PCDHGB5: variants seen among roughly 807,000 people sequenced by gnomAD.
PCDHGB5 encodes protocadherin gamma-B5.
Under a neutral mutation model 62.9 loss-of-function variants are expected in PCDHGB5, and 48 were observed. The ratio of observed to expected loss-of-function variants is 0.76; its 90% confidence interval spans 0.61 to 0.97. The LOEUF is 0.97. PCDHGB5 is among the 50% of genes least tolerant of loss of function. PCDHGB5 has a pLI of 0.00. For missense variants in PCDHGB5, 1,118 were observed against 1,198.6 expected (o/e 0.93, Z 0.99); for synonymous variants, 474 against 511.2 (o/e 0.93, Z 0.98).
At chr5:141,483,487 A>G (rs777951096) in intron 1 of PCDHGB5, among the ~76,000 whole-genome samples, 4 of 152,006 alleles carry the variant, frequency 2.6e-5, no homozygotes, top group Non-Finnish European at 5.9e-5. Context: ...AGTGAGGGAC[A>G]GGGATGAGTC....
intron 1 of PCDHGB5, among the ~76,000 whole-genome samples, chr5:141,407,428 G>A (rs1211459456): frequency 6.6e-6 from 1 of 151,524 alleles, no homozygotes; most frequent in Non-Finnish European, 1.5e-5. Context: ...AATGTCTCTT[G>A]CCCTTAAAAC....
At chr5:141,413,195 G>A (rs771456948) in intron 1 of PCDHGB5, 2 of 1,610,846 alleles carry the variant, frequency 1.2e-6, no homozygotes, top group Admixed American at 1.7e-5. Context: ...CAAAGGAATC[G>A]CTCAAAGGAA....
At position 141,450,007 on chromosome 5, in the gene PCDHGB5, T is replaced by TA. The variant is rs57702245; in HGVS notation, c.2398-44800_2398-44799insA. Among the ~76,000 whole-genome samples the TA allele has an allele frequency of 5.9e-4, 19 of 31,956 alleles. No homozygotes were observed. In the African/African-American group the frequency reaches 7.8e-3, roughly 13 times the overall value. 21.0% of individuals were successfully genotyped at this position (31,956 alleles called of 152,430 possible). A position where few individuals can be genotyped will look rare whatever the true frequency, so the allele number is the denominator to read the frequency against. On this transcript the variant is annotated intron_variant, in intron 1 of 3. Coordinates refer to ENST00000617380, the MANE Select transcript of PCDHGB5 (RefSeq NM_018925.3). Reference sequence around the variant, plus strand: ...ACATTGCATTTAGTTGCCATGTCTCTTTTTTTTTTTTTTTTTTGAGACAGG... The same window carrying TA: ...ACATTGCATTTAGTTGCCATGTCTCTATTTTTTTTTTTTTTTTTGAGACAGG...
chr5:141,508,026 T>A (rs972124070), intron 3 of PCDHGB5: 3 of 152,314 alleles, frequency 2.0e-5, no homozygotes, highest in African/African-American at 7.2e-5. Context: ...GGCTGCGGTT[T>A]GCAGCTCAGC....
chr5:141,431,828 C>T lies in PCDHGB5; in HGVS notation c.2397+31304C>T. The T allele has an allele frequency of 6.2e-7, 1 of 1,610,208 alleles. No individual in the cohort carries two copies. Among genetic ancestry groups the T allele is most frequent in the Non-Finnish European group, 8.5e-7 (1 of 1,176,374 alleles). On this transcript the variant is annotated intron_variant, in intron 1 of 3. Transcript: ENST00000617380. This position sits in a 1 kb window ranked among gnomAD's most constrained non-coding sequence, Gnocchi z 4.8. Reference sequence around the variant, plus strand: ...CCTCACCTCTCTCGCCAGCTCGGTTCCCGAAAACTCTCCCAGAGGGACATT... The same window carrying T: ...CCTCACCTCTCTCGCCAGCTCGGTTTCCGAAAACTCTCCCAGAGGGACATT...
At chr5:141,475,996 G>T (rs2099383729) in intron 1 of PCDHGB5, 4 of 1,181,402 alleles carry the variant, frequency 3.4e-6, no homozygotes, top group Non-Finnish European at 3.5e-6. Flanking sequence ...GCAAATCAAC[G>T]GCATCCAGAA....
In PCDHGB5 at chr5:141,476,760, CG is replaced by C. The variant is rs1325258321; in HGVS notation, c.2398-18045del. The C allele has an allele frequency of 6.2e-7, 1 of 1,613,706 alleles. No individual in the cohort carries two copies. Among genetic ancestry groups the C allele is most frequent in the African/African-American group, 1.3e-5 (1 of 74,930 alleles). On this transcript the variant is annotated intron_variant, in intron 1 of 3. Coordinates refer to ENST00000617380, the MANE Select transcript of PCDHGB5 (RefSeq NM_018925.3). This position sits in a 1 kb window ranked among gnomAD's most constrained non-coding sequence, Gnocchi z 7.6. ...GAGCCTAGTCTCCAGTTAGTGCTGA[CG>C]GCGTTGGACGGAGGGACCCCAGCTC...
At chr5:141,441,709 C>T in intron 1 of PCDHGB5, 1 of 321,306 alleles carries the variant, frequency 3.1e-6, no homozygotes, top group Non-Finnish European at 6.1e-6. Flanking sequence ...TTCAAGCTCA[C>T]GCTGCAGGCC....
At chr5:141,465,767 T>A (rs1427458413) in intron 1 of PCDHGB5, among the ~76,000 whole-genome samples, 1 of 152,016 alleles carries the variant, frequency 6.6e-6, no homozygotes, top group Non-Finnish European at 1.5e-5. Context: ...TCATGTTTCA[T>A]CTCTTGTTAC....
At position 141,404,162 on chromosome 5, in the gene PCDHGB5, T is replaced by C. The variant is rs768188662; in HGVS notation, c.2397+3638T>C. The C allele has an allele frequency of 2.0e-5, 33 of 1,613,076 alleles. No homozygotes were observed. In the East Asian group the frequency reaches 7.4e-4, roughly 36 times the overall value. ...AAATTCAGAAGAAGATTATTACAGA[T>C]TGTTGACGGCCCAAATTCTTGACCG... On this transcript the variant is annotated intron_variant, in intron 1 of 3. Transcript: ENST00000617380.
At chr5:141,413,082 A>T in intron 1 of PCDHGB5, 8 of 1,344,446 alleles carry the variant, frequency 6.0e-6, no homozygotes, top group Non-Finnish European at 8.1e-6. Context: ...CCCAGGCTAC[A>T]GAGACACCCT....
At chr5:141,429,945 T>C (rs1443623730) in intron 1 of PCDHGB5, among the ~76,000 whole-genome samples, 1 of 152,222 alleles carries the variant, frequency 6.6e-6, no homozygotes, top group East Asian at 1.9e-4. Flanking sequence ...ACTTCCATTA[T>C]TTCCAGTCAA....
rs143362044 is a variant in PCDHGB5, at chr5:141,511,092, C to T, written c.2691C>T (p.Asn897=). The T allele has an allele frequency of 4.5e-5, 73 of 1,614,088 alleles. No homozygotes were observed. Among genetic ancestry groups the T allele is most frequent in the Admixed American group, 1.5e-4 (9 of 60,012 alleles). ...YIPGSNATLT[N]AAGKRDGKAP... is the part of the protein sequence containing the mutation. ...CAGGCAGCAATGCCACACTGACCAA[C>T]GCAGCTGGCAAGCGGGATGGCAAGG... The change falls in exon 4 of 4, where the codon AAC becomes AAT. Residue 897 remains asparagine, a synonymous_variant. Coordinates refer to ENST00000617380, the MANE Select transcript of PCDHGB5 (RefSeq NM_018925.3).
In PCDHGB5 at chr5:141,404,750, C is replaced by G. The variant is rs1321458841; in HGVS notation, c.2397+4226C>G. The stretch of plus-strand genomic sequence containing the variant: ...GGTGGCAGTGGACAGAGACTCAGGC[C>G]AGAATGCTTGGCTCTCCTACCGCCT... On this transcript the variant is annotated intron_variant, in intron 1 of 3. Coordinates refer to ENST00000617380, the MANE Select transcript of PCDHGB5 (RefSeq NM_018925.3). 10 of 1,613,702 alleles carry G rather than the reference C, an allele frequency of 6.2e-6. No homozygotes were observed. In the African/African-American group the frequency reaches 1.3e-4, roughly 22 times the overall value.
In PCDHGB5 at chr5:141,422,509, C is replaced by G. The variant is rs1249006816; in HGVS notation, c.2397+21985C>G. On this transcript the variant is annotated intron_variant, in intron 1 of 3. Coordinates refer to ENST00000617380, the MANE Select transcript of PCDHGB5 (RefSeq NM_018925.3). ...CAATATAACGTTGACAGCCACAGAC[C>G]AGGGAAGCCCGCCTTTGTCTGCAGA... The G allele has an allele frequency of 1.9e-6, 3 of 1,613,836 alleles. No homozygotes were observed. In the South Asian group the frequency reaches 3.3e-5, roughly 18 times the overall value.
chr5:141,448,515 T>C (rs1158968509), intron 1 of PCDHGB5, among the ~76,000 whole-genome samples: 1 of 152,212 alleles, frequency 6.6e-6, no homozygotes, highest in Non-Finnish European at 1.5e-5. Flanking sequence ...TTTATAACTT[T>C]ATTAAGCATC....
chr5:141,465,697 T>C (rs1386528821), intron 1 of PCDHGB5, among the ~76,000 whole-genome samples: 2 of 152,200 alleles, frequency 1.3e-5, no homozygotes, highest in African/African-American at 4.8e-5. Context: ...TGCTTTTGCA[T>C]TGGTCAAATG....
intron 1 of PCDHGB5, among the ~76,000 whole-genome samples, chr5:141,467,707 G>A (rs1203906639): frequency 6.6e-6 from 1 of 152,140 alleles, no homozygotes; most frequent in Non-Finnish European, 1.5e-5. Flanking sequence ...TGTTGCCCAG[G>A]CTGGAGTGTA....
intron 1 of PCDHGB5, chr5:141,422,951 G>C (rs1382138030): frequency 3.7e-6 from 6 of 1,614,236 alleles, no homozygotes; most frequent in South Asian, 3.3e-5. Flanking sequence ...GGCTCCACTG[G>C]CGTGGAGCTG....
Sources: gnomAD v4.1 joint callset for allele counts (sites outside exome capture counted in the v4.1 genomes callset) on GRCh38, gnomAD v4.1.1 for gene constraint, Gnocchi (gnomAD v3.1) non-coding constraint, MANE v1.5 for transcripts, NCBI Gene and HGNC (gene_info 2026-07-23, HGNC 2026-07-21) for gene names.